Variants in COL21A1 observed in about 807,000 individuals in gnomAD.
COL21A1 encodes the protein collagen alpha-1(XXI) chain.
Under a neutral mutation model 137.9 loss-of-function variants are expected in COL21A1, and 149 were observed. The ratio of observed to expected loss-of-function variants is 1.08; its 90% confidence interval spans 0.95 to 1.24. The LOEUF (loss-of-function observed/expected upper bound fraction) is 1.24. COL21A1 is among the 50% of genes most tolerant of loss of function. The probability of loss-of-function intolerance (pLI) is 0.00; values close to 1 mark genes in which losing one functional copy is unlikely to be tolerated. For missense variants in COL21A1, 1,167 were observed against 1,158.4 expected, an observed-to-expected ratio of 1.01 and a Z score of -0.11; for synonymous variants, 456 against 391.5, an observed-to-expected ratio of 1.16 and a Z score of -1.95.
At chr6:56,325,544 A>ATCT (rs1412761174) in intron 1 of COL21A1, among the ~76,000 whole-genome samples, 451 of 2,220 alleles carry the variant, frequency 0.2, 206 homozygotes, top group Non-Finnish European at 0.25. Context: ...ATAAATATAT[A>ATCT]ATACATATAT....
intron 1 of COL21A1, among the ~76,000 whole-genome samples, chr6:56,340,409 T>TA (rs57517532): frequency 0.66 from 100,399 of 151,744 alleles, 33,440 homozygotes; most frequent in South Asian, 0.81. Context: ...ACAAAACAGA[T>TA]ACAGAGGTTG....
intron 1 of COL21A1, among the ~76,000 whole-genome samples, chr6:56,305,674 T>C (rs1764428365): frequency 6.6e-6 from 1 of 152,352 alleles, no homozygotes; most frequent in East Asian, 1.9e-4. Context: ...CTGATGGGTC[T>C]TGACTCTTGA....
intron 1 of COL21A1, among the ~76,000 whole-genome samples, chr6:56,281,151 T>G (rs547499302): frequency 6.6e-6 from 1 of 152,196 alleles, no homozygotes; most frequent in Non-Finnish European, 1.5e-5. Flanking sequence ...TCCCAAGTAT[T>G]CCTATTCCTA....
At chr6:56,125,728 C>A in intron 13 of COL21A1, 108 bp from the exon 14 acceptor site, 12 of 654,108 alleles carry the variant, frequency 1.8e-5, no homozygotes, top group South Asian at 6.6e-5. Flanking sequence ...AAAAGCAAAA[C>A]AAAATAGAAA....
At chr6:56,393,704 C>A (rs2094034402) in intron 1 of COL21A1, among the ~76,000 whole-genome samples, 1 of 152,118 alleles carries the variant, frequency 6.6e-6, no homozygotes, top group South Asian at 2.1e-4. Flanking sequence ...TTGAAATAAG[C>A]GGCAGGCTGC....
chr6:56,135,724 T>G (rs561531108), intron 12 of COL21A1, among the ~76,000 whole-genome samples: 9 of 152,312 alleles, frequency 5.9e-5, no homozygotes, highest in Admixed American at 4.6e-4. Flanking sequence ...TCTTTGAGAT[T>G]TCTTAAATTT....
chr6:56,387,099 T>C (rs926771044), intron 1 of COL21A1, among the ~76,000 whole-genome samples: 1 of 152,328 alleles, frequency 6.6e-6, no homozygotes, highest in East Asian at 1.9e-4. Flanking sequence ...TTGCATGCGT[T>C]AAATGCTTCT....
At chr6:56,163,581 C>A (rs1776348538) in intron 9 of COL21A1, among the ~76,000 whole-genome samples, 1 of 152,000 alleles carries the variant, frequency 6.6e-6, no homozygotes, top group Non-Finnish European at 1.5e-5. Context: ...CAGTGGTGAT[C>A]GCCTGTAATC....
intron 1 of COL21A1, among the ~76,000 whole-genome samples, chr6:56,255,334 GGTGTGTGTGTGTGT>G (rs71783697): frequency 8.2e-5 from 12 of 145,594 alleles, no homozygotes; most frequent in African/African-American, 2.6e-4. Context: ...TTGTTAAGAG[GGTGTGTGTGTGTGT>G]GTGTGTGTGT....
chr6:56,198,529 T>A (rs1192620070), intron 1 of COL21A1, among the ~76,000 whole-genome samples: 1 of 152,028 alleles, frequency 6.6e-6, no homozygotes, highest in Non-Finnish European at 1.5e-5. Flanking sequence ...GGTAAAATTG[T>A]TAAACCTCAC....
At chr6:56,133,468 A>AG (rs142885311) in intron 12 of COL21A1, among the ~76,000 whole-genome samples, 22,806 of 152,132 alleles carry the variant, frequency 0.15, 1,739 homozygotes, top group Middle Eastern at 0.22. Flanking sequence ...AGAGTATAAA[A>AG]TTTGGAAAAT....
At chr6:56,352,415 G>A (rs1765728940) in intron 1 of COL21A1, among the ~76,000 whole-genome samples, 1 of 151,998 alleles carries the variant, frequency 6.6e-6, no homozygotes, top group South Asian at 2.1e-4. Flanking sequence ...CAGGTACCAA[G>A]TATCAAAAAG....
intron 17 of COL21A1, among the ~76,000 whole-genome samples, chr6:56,093,089 G>C (rs1214895218): frequency 6.6e-6 from 1 of 152,014 alleles, no homozygotes; most frequent in African/African-American, 2.4e-5. Flanking sequence ...ACTGGGATAA[G>C]CCAAGATAAT....
intron 1 of COL21A1, among the ~76,000 whole-genome samples, chr6:56,307,603 T>C (rs540354919): frequency 2.4e-3 from 367 of 152,352 alleles, no homozygotes; most frequent in South Asian, 4.8e-3. Context: ...GTGACCCGAT[T>C]TTCCAGGTGC....
chr6:56,113,137 A>G (rs80234518), intron 16 of COL21A1, among the ~76,000 whole-genome samples: 3,531 of 152,336 alleles, frequency 0.023, 73 homozygotes, highest in East Asian at 0.055. Context: ...TCTGCAACTC[A>G]TAAAAGAATC....
chr6:56,159,233 G>A (rs1776011897), intron 9 of COL21A1, among the ~76,000 whole-genome samples: 1 of 151,838 alleles, frequency 6.6e-6, no homozygotes, highest in African/African-American at 2.4e-5. Context: ...TGCTATGATA[G>A]CTCTTAAATC....
intron 1 of COL21A1, among the ~76,000 whole-genome samples, chr6:56,337,938 GT>G (rs1202536881): frequency 2.7e-5 from 4 of 146,624 alleles, no homozygotes; most frequent in Non-Finnish European, 6.0e-5. Context: ...AAGAAAAGGG[GT>G]TTTTTTCTTT....
chr6:56,244,122 C>T (rs1782509402), intron 1 of COL21A1, among the ~76,000 whole-genome samples: 2 of 152,138 alleles, frequency 1.3e-5, no homozygotes, highest in South Asian at 4.1e-4. Flanking sequence ...TAAATGAATG[C>T]CAGGTAACTC....
At chr6:56,066,102 T>A (rs929748867) in intron 23 of COL21A1, among the ~76,000 whole-genome samples, 2 of 151,876 alleles carry the variant, frequency 1.3e-5, no homozygotes, top group Non-Finnish European at 2.9e-5. Context: ...CCATGAGTCA[T>A]CTAAATGCAG....
Sources: allele counts gnomAD v4.1 joint callset (sites outside exome capture counted in the v4.1 genomes callset), GRCh38; gene constraint gnomAD v4.1.1; transcripts MANE v1.5; gene names NCBI Gene and HGNC (gene_info 2026-07-23, HGNC 2026-07-21).